The following PERP variants were observed in gnomAD, a reference collection of about 807,000 sequenced individuals.
PERP encodes the protein p53 apoptosis effector related to PMP22.
PERP carries 11 observed loss-of-function variants against 20.3 expected under a neutral mutation model. The ratio of observed to expected loss-of-function variants is 0.54; its 90% CI spans 0.34 to 0.90. The LOEUF is 0.90. Among genes scored for constraint, PERP ranks in the 40% least tolerant of loss-of-function variants. The pLI is 0.02. For missense variants in PERP, 224 were observed against 249.4 expected (o/e 0.90, Z 0.69); for synonymous variants, 101 against 102.0 (o/e 0.99, Z 0.06).
intron 1 of PERP, among the ~76,000 whole-genome samples, chr6:138,105,091 G>A (rs553568789): frequency 3.9e-4 from 60 of 152,302 alleles, no homozygotes; most frequent in Non-Finnish European, 6.8e-4. Flanking sequence ...TCATGACAGC[G>A]GATCCCAGAT....
chr6:138,097,327 A>G (rs1775708319), intron 1 of PERP, among the ~76,000 whole-genome samples: 1 of 152,202 alleles, frequency 6.6e-6, no homozygotes, highest in Non-Finnish European at 1.5e-5. Flanking sequence ...CCAGTCAACA[A>G]CACCTATTGT....
At chr6:138,099,174 A>G (rs1212737224) in intron 1 of PERP, among the ~76,000 whole-genome samples, 2 of 152,214 alleles carry the variant, frequency 1.3e-5, no homozygotes, top group African/African-American at 4.8e-5. Flanking sequence ...TCAGAGCTTG[A>G]GTGGTAGCAC....
intron 1 of PERP, among the ~76,000 whole-genome samples, chr6:138,099,031 G>A (rs1775736463): frequency 6.6e-6 from 1 of 152,188 alleles, no homozygotes; most frequent in Admixed American, 6.5e-5. Context: ...TAAGAGAAGA[G>A]GGACCATGCT....
intron 2 of PERP, among the ~76,000 whole-genome samples, chr6:138,093,560 G>C (rs1775623211): frequency 6.6e-6 from 1 of 152,058 alleles, no homozygotes; most frequent in Non-Finnish European, 1.5e-5. Context: ...TACTATTTAA[G>C]TTTGTCATTT....
chr6:138,095,555 A>T (rs1003532764), intron 2 of PERP, among the ~76,000 whole-genome samples: 5 of 152,132 alleles, frequency 3.3e-5, no homozygotes, highest in African/African-American at 1.2e-4. Flanking sequence ...TTGGTCCCAT[A>T]AGCCTAAACT....
chr6:138,103,000 C>G (rs958040039), intron 1 of PERP, among the ~76,000 whole-genome samples: 2 of 151,164 alleles, frequency 1.3e-5, no homozygotes. Flanking sequence ...TCGGGAGGCT[C>G]AGGCAGGAGA....
chr6:138,092,418 G>A, intron 2 of PERP, 150 bp from the exon 3 acceptor site: 1 of 719,524 alleles, frequency 1.4e-6, no homozygotes, highest in Non-Finnish European at 2.3e-6. Context: ...TGGTTAGGCA[G>A]AGGCCAAAAA....
intron 1 of PERP, among the ~76,000 whole-genome samples, chr6:138,105,426 A>G (rs1017752794): frequency 1.1e-4 from 16 of 152,238 alleles, no homozygotes; most frequent in African/African-American, 3.4e-4. Flanking sequence ...TGCCTTCCAT[A>G]TACAAAGCAC....
At position 138,107,374 on chromosome 6, in the gene PERP, GCGGAGCGGGT is replaced by G; in HGVS notation, c.-44_-35del. Reference sequence around the variant, plus strand: ...GCGGCGCGGGGCCGAGCGGAGCGGAGCGGAGCGGGTCGGAGGAGCGCGCGGGACGGGCGAC... The same window carrying G: ...GCGGCGCGGGGCCGAGCGGAGCGGAGCGGAGGAGCGCGCGGGACGGGCGAC... On this transcript the variant is annotated 5_prime_UTR_variant, in exon 1 of 3. Transcript: ENST00000421351. This position sits in a 1 kb window ranked among gnomAD's most constrained non-coding sequence, Gnocchi z 4.8. The G allele has an allele frequency of 6.7e-7, 1 of 1,503,554 alleles. No individual in the cohort carries two copies. Among genetic ancestry groups the G allele is most frequent in the Non-Finnish European group, 8.8e-7 (1 of 1,130,724 alleles). 93.1% of individuals were successfully genotyped at this position (1,503,554 alleles called of 1,614,324 possible).
intron 1 of PERP, among the ~76,000 whole-genome samples, chr6:138,099,880 G>T (rs1775746769): frequency 6.6e-6 from 1 of 152,166 alleles, no homozygotes; most frequent in Non-Finnish European, 1.5e-5. Context: ...ACACGACTCA[G>T]TTCATGTCTT....
chr6:138,102,795 C>T (rs1469006844), intron 1 of PERP, among the ~76,000 whole-genome samples: 2 of 152,076 alleles, frequency 1.3e-5, no homozygotes, highest in Non-Finnish European at 2.9e-5. Flanking sequence ...CATACATGCT[C>T]GTGCAAAGAG....
At chr6:138,099,820 C>T (rs79809523) in intron 1 of PERP, among the ~76,000 whole-genome samples, 4 of 152,168 alleles carry the variant, frequency 2.6e-5, no homozygotes, top group African/African-American at 7.2e-5. Flanking sequence ...AAAGCCAAGA[C>T]GTGAACATAA....
chr6:138,088,556 A>G lies in PERP; in HGVS notation c.*3486T>C, dbSNP rs1386639149. ...GCCAACAAAGTATGTTTTCGAGGTT[A>G]ACAACGAAGCACAGGATAGTACAAG... On this transcript the variant is annotated 3_prime_UTR_variant, in exon 3 of 3. Transcript: ENST00000421351. The G allele has an allele frequency of 6.6e-6, 1 of 152,220 alleles. No homozygotes were observed. Among genetic ancestry groups the G allele is most frequent in the Non-Finnish European group, 1.5e-5 (1 of 68,034 alleles). 9.4% of individuals were successfully genotyped at this position (152,220 alleles called of 1,614,324 possible). A position where few individuals can be genotyped will look rare whatever the true frequency, so the allele number is the denominator to read the frequency against.
In PERP at chr6:138,090,902, C is replaced by T. The variant is rs1423253735; in HGVS notation, c.*1140G>A. On this transcript the variant is annotated 3_prime_UTR_variant, in exon 3 of 3. Coordinates refer to ENST00000421351, the MANE Select transcript of PERP (RefSeq NM_022121.5). The stretch of plus-strand genomic sequence containing the variant: ...ATGAATTGGTTTTCATTATGTAAGT[C>T]GAAATGGTAAAAAATCATAATGACC... 3 of 152,438 alleles carry T rather than the reference C, an allele frequency of 2.0e-5. No homozygotes were observed. The highest frequency in any genetic ancestry group is 6.5e-5 in the Admixed American group (1 of 15,270). The allele number at this position is 152,438 out of a possible 1,614,324, so 9.4% of individuals were successfully genotyped here.
chr6:138,091,004 C>T lies in PERP; in HGVS notation c.*1038G>A, dbSNP rs1239758245. 4 of 152,640 alleles carry T rather than the reference C, an allele frequency of 2.6e-5. No homozygotes were observed. Among genetic ancestry groups the T allele is most frequent in the East Asian group, 3.9e-4 (2 of 5,188 alleles). 9.5% of individuals were successfully genotyped at this position (152,640 alleles called of 1,614,324 possible). On this transcript the variant is annotated 3_prime_UTR_variant, in exon 3 of 3. Coordinates refer to ENST00000421351, the MANE Select transcript of PERP (RefSeq NM_022121.5). ...CTCCTGTGGCATGTTTTATATCAGA[C>T]ATTTAAAATCTGTTTACCAAGAAAG...
rs768202753 is a variant in PERP at position 138,096,382 on chromosome 6, T to C, written c.327A>G (p.Arg109=). 5 of 1,613,788 alleles carry C rather than the reference T, an allele frequency of 3.1e-6. No individual in the cohort carries two copies. The highest frequency in any genetic ancestry group is 4.2e-6 in the Non-Finnish European group (5 of 1,179,948). Residue 109 remains arginine, a synonymous_variant, in exon 2 of 3, where the codon AGA becomes AGG. Coordinates refer to ENST00000421351, the MANE Select transcript of PERP (RefSeq NM_022121.5). ...LCGPQMLVFL[R]VIGGLLALAA... ...CCAAGGCAAGGAGACCTCCAATCAC[T>C]CTCAGGAAGACAAGCATCTGGGGTC...
At chr6:138,092,312 A>C (rs1775601233) in intron 2 of PERP, 44 bp from the exon 3 acceptor site, 3 of 1,483,260 alleles carry the variant, frequency 2.0e-6, no homozygotes, top group African/African-American at 2.8e-5. Context: ...GCATACATGC[A>C]TGAAGGAATA....
chr6:138,094,317 G>A (rs1202233401), intron 2 of PERP, among the ~76,000 whole-genome samples: 1 of 151,876 alleles, frequency 6.6e-6, no homozygotes, highest in Non-Finnish European at 1.5e-5. Flanking sequence ...CCAGCCCCTG[G>A]TAACTTTTAT....
intron 2 of PERP, 95 bp downstream of exon 2, chr6:138,096,259 C>T: frequency 6.9e-7 from 1 of 1,439,082 alleles, no homozygotes; most frequent in Non-Finnish European, 9.4e-7. Context: ...AGATTAGAAA[C>T]TGTAACAGTC....
Sources: gnomAD v4.1 joint callset for allele counts (sites outside exome capture counted in the v4.1 genomes callset) on GRCh38, gnomAD v4.1.1 for gene constraint, Gnocchi (gnomAD v3.1) non-coding constraint, MANE v1.5 for transcripts, NCBI Gene and HGNC (gene_info 2026-07-23, HGNC 2026-07-21) for gene names.